ASTN2: variants seen among roughly 807,000 people sequenced by gnomAD.
ASTN2 encodes the protein astrotactin 2.
A neutral mutation model predicts 139.8 loss-of-function variants in ASTN2; 54 were observed. That is an observed-to-expected ratio of 0.39 (90% CI 0.31 to 0.48). ASTN2 has a LOEUF of 0.48. Among genes scored for constraint, ASTN2 ranks in the 20% least tolerant of loss-of-function variants. The pLI is 0.95. For synonymous variants in ASTN2, 756 were observed against 719.5 expected, an observed-to-expected ratio of 1.05 and a Z score of -0.81; for missense variants, 1,565 against 1,725.1, an observed-to-expected ratio of 0.91 and a Z score of 1.64.
At chr9:116,729,509 G>A (rs1274977225) in intron 14 of ASTN2, among the ~76,000 whole-genome samples, 10 of 152,170 alleles carry the variant, frequency 6.6e-5, no homozygotes, top group Non-Finnish European at 1.5e-4. Flanking sequence ...GAGCCCTCTG[G>A]TAACCTAGAA....
intron 5 of ASTN2, among the ~76,000 whole-genome samples, chr9:117,082,633 C>G (rs73527169): frequency 0.059 from 8,924 of 152,208 alleles, 606 homozygotes; most frequent in East Asian, 0.19. Context: ...GAAACCCCAT[C>G]CCTACTAAAA....
intron 10 of ASTN2, among the ~76,000 whole-genome samples, chr9:116,905,002 T>A (rs1834116738): frequency 6.6e-6 from 1 of 152,144 alleles, no homozygotes; most frequent in African/African-American, 2.4e-5. Flanking sequence ...GGTCCTATTT[T>A]TTGGCAGAGA....
chr9:117,088,513 T>C (rs1464318681), intron 5 of ASTN2, among the ~76,000 whole-genome samples: 1 of 152,140 alleles, frequency 6.6e-6, no homozygotes, highest in Non-Finnish European at 1.5e-5. Context: ...GATTAAACTG[T>C]GTGTGTTGGA....
intron 1 of ASTN2, among the ~76,000 whole-genome samples, chr9:117,364,994 C>T (rs928957683): frequency 7.1e-6 from 1 of 140,362 alleles, no homozygotes; most frequent in African/African-American, 2.9e-5. Context: ...CACACACACA[C>T]ACACAAAATC....
At chr9:117,332,266 A>G (rs1001859004) in intron 1 of ASTN2, among the ~76,000 whole-genome samples, 1 of 152,166 alleles carries the variant, frequency 6.6e-6, no homozygotes, top group Admixed American at 6.5e-5. Context: ...CTTTCACAAC[A>G]AGCCTACAAA....
At position 116,863,540 on chromosome 9, in the gene ASTN2, G is replaced by A. The variant is rs374316247; in HGVS notation, c.2040+43C>T. ...GCAGGGCTTCTAGCAGGTGGCCTTA[G>A]CCCCTGGGCCACTGCCATGTTCCCG... On this transcript the variant is annotated intron_variant, in intron 11 of 22. Transcript: ENST00000313400. 1.1e-5 allele frequency: 18 copies of A among 1,602,972 alleles called. No homozygotes were observed. In the African/African-American group the frequency reaches 2.1e-4, roughly 19 times the overall value.
At chr9:116,838,110 T>G (rs113618483) in intron 11 of ASTN2, among the ~76,000 whole-genome samples, 8 of 134,672 alleles carry the variant, frequency 5.9e-5, no homozygotes, top group African/African-American at 1.4e-4. Context: ...TGTTTTTTTT[T>G]GTTTTGTTTT....
chr9:117,120,355 A>G (rs1246552648), intron 4 of ASTN2, among the ~76,000 whole-genome samples: 1 of 151,964 alleles, frequency 6.6e-6, no homozygotes. Flanking sequence ...ACCAAAGGAG[A>G]GCCTGGGTGC....
intron 19 of ASTN2, among the ~76,000 whole-genome samples, chr9:116,591,058 A>G (rs1383733528): frequency 6.6e-6 from 1 of 152,222 alleles, no homozygotes; most frequent in African/African-American, 2.4e-5. Flanking sequence ...AGACTTGCCA[A>G]ATGGCAGGGC....
intron 10 of ASTN2, among the ~76,000 whole-genome samples, chr9:116,896,873 T>C (rs977351738): frequency 2.6e-5 from 4 of 152,120 alleles, no homozygotes; most frequent in Non-Finnish European, 5.9e-5. Flanking sequence ...CCTTGACACA[T>C]GTGGATTACA....
At chr9:117,083,710 A>G (rs2132729234) in intron 5 of ASTN2, among the ~76,000 whole-genome samples, 1 of 152,178 alleles carries the variant, frequency 6.6e-6, no homozygotes, top group East Asian at 1.9e-4. Context: ...AAAAACAAGA[A>G]AGCAAGAGAG....
At chr9:116,791,393 A>G (rs1273557804) in intron 13 of ASTN2, among the ~76,000 whole-genome samples, 1 of 152,256 alleles carries the variant, frequency 6.6e-6, no homozygotes, top group Non-Finnish European at 1.5e-5. Context: ...GTAATACAGT[A>G]AAATTTCAGT....
chr9:116,654,135 C>A (rs1433281380), intron 16 of ASTN2, among the ~76,000 whole-genome samples: 1 of 152,176 alleles, frequency 6.6e-6, no homozygotes, highest in African/African-American at 2.4e-5. Context: ...ACACTAGGGA[C>A]TCATTAGCCC....
At chr9:116,962,087 T>A (rs147802608) in intron 10 of ASTN2, among the ~76,000 whole-genome samples, 1 of 152,374 alleles carries the variant, frequency 6.6e-6, no homozygotes, top group African/African-American at 2.4e-5. Flanking sequence ...GTACCACTGA[T>A]GGGATGCATT....
intron 19 of ASTN2, among the ~76,000 whole-genome samples, chr9:116,513,226 T>C (rs1319854528): frequency 2.0e-5 from 3 of 152,196 alleles, no homozygotes; most frequent in East Asian, 1.9e-4. Context: ...CATTTGCTTG[T>C]CTATAAAGGA....
intron 10 of ASTN2, among the ~76,000 whole-genome samples, chr9:116,917,762 T>C (rs1040844983): frequency 1.3e-5 from 2 of 152,200 alleles, no homozygotes; most frequent in African/African-American, 4.8e-5. Context: ...TATAAAAGTT[T>C]GTAAAATTAT....
chr9:116,707,527 C>T (rs573543037), intron 16 of ASTN2, among the ~76,000 whole-genome samples: 2 of 151,878 alleles, frequency 1.3e-5, no homozygotes, highest in Non-Finnish European at 2.9e-5. Context: ...AACCCCTCCC[C>T]ACACCACCAC....
At chr9:117,150,024 G>A (rs1009772066) in intron 3 of ASTN2, among the ~76,000 whole-genome samples, 2 of 152,170 alleles carry the variant, frequency 1.3e-5, no homozygotes, top group African/African-American at 4.8e-5. Flanking sequence ...AAGATCTTGG[G>A]CCTGTCAGTT....
Position 116,697,969 on chromosome 9 carries a change from TGACA to T in ASTN2, c.2806+27798_2806+27801del, listed in dbSNP as rs746321506. On this transcript the variant is annotated intron_variant, in intron 16 of 22. Coordinates refer to ENST00000313400, the MANE Select transcript of ASTN2 (RefSeq NM_001365068.1). The stretch of plus-strand genomic sequence containing the variant: ...ACCCGCATAACCAGCTTGACCCAGC[TGACA>T]GACAATCTGACAGTGCTAAAGATCA... 1 of 1,614,242 alleles carries T rather than the reference TGACA, an allele frequency of 6.2e-7. No individual in the cohort carries two copies. The highest frequency in any genetic ancestry group is 1.7e-5 in the Admixed American group (1 of 60,036).
Sources: gnomAD v4.1 joint callset for allele counts (sites outside exome capture counted in the v4.1 genomes callset) on GRCh38, gnomAD v4.1.1 for gene constraint, MANE v1.5 for transcripts, NCBI Gene and HGNC (gene_info 2026-07-23, HGNC 2026-07-21) for gene names.